The following GNS variants were observed in gnomAD, a reference collection of about 807,000 sequenced individuals.
The protein encoded by GNS is glucosamine (N-acetyl)-6-sulfatase.
Under a neutral mutation model 69.7 loss-of-function variants are expected in GNS, and 40 were observed. That is an observed-to-expected ratio of 0.57 (90% CI 0.45 to 0.75). The LOEUF (loss-of-function observed/expected upper bound fraction) is 0.75, where lower values mean the gene tolerates loss of function less well. Among genes scored for constraint, GNS ranks in the 30% least tolerant of loss-of-function variants. The pLI is 0.00. For synonymous variants in GNS, 243 were observed against 251.6 expected (o/e 0.97, Z 0.32); for missense variants, 565 against 685.5 (o/e 0.82, Z 1.96).
chr12:64,733,445 A>G (rs1206734441), intron 9 of GNS, among the ~76,000 whole-genome samples: 1 of 152,220 alleles, frequency 6.6e-6, no homozygotes, highest in African/African-American at 2.4e-5. Context: ...CTCAGAACAC[A>G]TCAGGTTTCC....
At chr12:64,756,937 AGAGTTCAGGAGTTCAAGAGTTACTT>A (rs1385426880) in intron 1 of GNS, among the ~76,000 whole-genome samples, 16 of 152,136 alleles carry the variant, frequency 1.1e-4, no homozygotes, top group Admixed American at 7.9e-4. Context: ...CAGGAGTTCA[AGAGTTCAGGAGTTCAAGAGTTACTT>A]GAGTCCAGGA....
chr12:64,722,759 A>T (rs144594835), intron 11 of GNS: 41 of 471,358 alleles, frequency 8.7e-5, no homozygotes, highest in African/African-American at 6.5e-4. Flanking sequence ...GGAATTGATA[A>T]GAACACGGGT....
At chr12:64,718,990 G>A in intron 13 of GNS, among the ~76,000 whole-genome samples, 1 of 152,132 alleles carries the variant, frequency 6.6e-6, no homozygotes, top group East Asian at 1.9e-4. Context: ...CAAAATTCTT[G>A]ACCATTCTTA....
At chr12:64,737,865 G>GTTAGGCACTATAAGGCAC (rs1869600838) in intron 8 of GNS, among the ~76,000 whole-genome samples, 1 of 152,214 alleles carries the variant, frequency 6.6e-6, no homozygotes, top group African/African-American at 2.4e-5. Flanking sequence ...AGATGAACAA[G>GTTAGGCACTATAAGGCAC]TTAAGGCACT....
chr12:64,742,672 G>C (rs2136247313), intron 6 of GNS, among the ~76,000 whole-genome samples: 1 of 152,310 alleles, frequency 6.6e-6, no homozygotes, highest in Non-Finnish European at 1.5e-5. Context: ...TAAGTAATTG[G>C]CACGTGAGGC....
intron 2 of GNS, among the ~76,000 whole-genome samples, chr12:64,750,868 T>C (rs932256791): frequency 1.3e-5 from 2 of 152,102 alleles, no homozygotes; most frequent in African/African-American, 4.8e-5. Flanking sequence ...GCTACGTCAC[T>C]GCACTCCAAC....
intron 12 of GNS, 27 bp downstream of exon 12, chr12:64,721,568 G>A: frequency 9.9e-7 from 1 of 1,009,616 alleles, no homozygotes; most frequent in Non-Finnish European, 1.6e-6. Flanking sequence ...AAGGAGCGGG[G>A]GAAGTGCAGG....
chr12:64,725,987 C>A, intron 10 of GNS, among the ~76,000 whole-genome samples: 1 of 93,058 alleles, frequency 1.1e-5, no homozygotes. Flanking sequence ...CAGAGCTAGA[C>A]TCTGTCTCAA....
Position 64,759,207 on chromosome 12 carries a change from G to C in GNS, c.70C>G (p.Pro24Ala). Residue 24 changes from proline to alanine, a missense_variant, in exon 1 of 14, where the codon CCA (proline) becomes GCA (alanine). Coordinates refer to ENST00000258145, the MANE Select transcript of GNS (RefSeq NM_002076.4). ...CCCAGCACCAGCAGTAGCAGCGCTG[G>C]GCTGCAGGAGGGCAGGTGGCGGGGG... is the stretch of plus-strand genomic sequence containing the variant. ...GSPRHLPSCS[P>A]ALLLLVLGGC... 1 of 1,547,244 alleles carries C rather than the reference G, an allele frequency of 6.5e-7. No homozygotes were observed. The highest frequency in any genetic ancestry group is 8.7e-7 in the Non-Finnish European group (1 of 1,145,614).
chr12:64,719,139 A>T (rs1328809639), intron 13 of GNS, among the ~76,000 whole-genome samples: 1 of 152,228 alleles, frequency 6.6e-6, no homozygotes, highest in African/African-American at 2.4e-5. Flanking sequence ...ACATTATTTA[A>T]AAGCAAACAA....
At chr12:64,750,737 T>TA (rs1279664777) in intron 2 of GNS, among the ~76,000 whole-genome samples, 6 of 151,090 alleles carry the variant, frequency 4.0e-5, no homozygotes, top group Admixed American at 2.0e-4. Flanking sequence ...ACCCTGTCAC[T>TA]AAAAAAAAGT....
chr12:64,747,639 T>C (rs757739975), intron 3 of GNS, 73 bp downstream of exon 3: 4 of 883,180 alleles, frequency 4.5e-6, no homozygotes, highest in Non-Finnish European at 7.5e-6. Flanking sequence ...TTAATTGAAA[T>C]AATAAAATTA....
chr12:64,758,135 G>GA (rs897877732), intron 1 of GNS, among the ~76,000 whole-genome samples: 11 of 151,348 alleles, frequency 7.3e-5, no homozygotes, highest in African/African-American at 1.2e-4. Context: ...ATTTACTCTG[G>GA]AAAAAAAATG....
intron 10 of GNS, among the ~76,000 whole-genome samples, chr12:64,725,163 G>T (rs1157569520): frequency 2.0e-5 from 3 of 152,174 alleles, no homozygotes; most frequent in Admixed American, 2.0e-4. Flanking sequence ...TGATTCTGAT[G>T]TCTGACCAAA....
chr12:64,722,603 C>A (rs535959757), intron 11 of GNS, among the ~76,000 whole-genome samples: 3 of 152,344 alleles, frequency 2.0e-5, no homozygotes, highest in African/African-American at 7.2e-5. Context: ...CTCTTTGTGA[C>A]CTGCCTGGCT....
Position 64,714,206 on chromosome 12 carries a change from G to C in GNS, c.*2535C>G, listed in dbSNP as rs1225334640. The C allele has an allele frequency of 6.6e-6, 1 of 152,196 alleles. No homozygotes were observed. Among genetic ancestry groups the C allele is most frequent in the East Asian group, 1.9e-4 (1 of 5,196 alleles). The allele number at this position is 152,196 out of a possible 1,614,324, so 9.4% of individuals were successfully genotyped here. On this transcript the variant is annotated 3_prime_UTR_variant, in exon 14 of 14. Coordinates refer to ENST00000258145, the MANE Select transcript of GNS (RefSeq NM_002076.4). ...AAGGTGTTCCCTACTTTGCATGAGA[G>C]GGAGAGCTTTGTAACAGGAAATTGT...
At chr12:64,732,153 ATT>A (rs1210247666) in intron 9 of GNS, among the ~76,000 whole-genome samples, 2 of 88,722 alleles carry the variant, frequency 2.3e-5, no homozygotes, top group Admixed American at 1.3e-4. Flanking sequence ...CACCTGGCTA[ATT>A]TTTTTTTTTT....
At chr12:64,746,895 G>A (rs1445043332) in intron 3 of GNS, among the ~76,000 whole-genome samples, 1 of 152,076 alleles carries the variant, frequency 6.6e-6, no homozygotes, top group Non-Finnish European at 1.5e-5. Context: ...TTGGGGGGAG[G>A]GGAGAATTAA....
At chr12:64,758,096 A>C (rs950131371) in intron 1 of GNS, among the ~76,000 whole-genome samples, 1 of 152,174 alleles carries the variant, frequency 6.6e-6, no homozygotes, top group Admixed American at 6.5e-5. Context: ...AAGGTCACAC[A>C]TTCCATAATT....
Sources: allele counts gnomAD v4.1 joint callset (sites outside exome capture counted in the v4.1 genomes callset), GRCh38; gene constraint gnomAD v4.1.1; transcripts MANE v1.5; gene names NCBI Gene and HGNC (gene_info 2026-07-23, HGNC 2026-07-21).